The following ATP6V0E2 variants were observed in gnomAD, a reference collection of about 807,000 sequenced individuals.
The protein encoded by ATP6V0E2 is V-type proton ATPase subunit e 2.
Under a neutral mutation model 11.5 loss-of-function variants are expected in ATP6V0E2, and 4 were observed. That is an observed-to-expected ratio of 0.35 (90% CI 0.17 to 0.80). ATP6V0E2 has a LOEUF of 0.80. ATP6V0E2 is among the 30% of genes least tolerant of loss of function. The pLI is 0.53. For synonymous variants in ATP6V0E2, 52 were observed against 51.0 expected, an observed-to-expected ratio of 1.02 and a Z score of -0.09; for missense variants, 93 against 113.5, an observed-to-expected ratio of 0.82 and a Z score of 0.82.
chr7:149,878,810 T>C lies in ATP6V0E2; in HGVS notation c.*19+20T>C. On this transcript the variant is annotated intron_variant, in intron 3 of 3. Coordinates refer to ENST00000425642, the MANE Select transcript of ATP6V0E2 (RefSeq NM_145230.4). ...ACCCAGGTACTGTGTGGGCGAGGGG[T>C]GTGGGTGGGGAAGAGGGGAAAGACA... is the stretch of plus-strand genomic sequence containing the variant. 1.2e-6 allele frequency: 2 copies of C among 1,606,468 alleles called. No individual in the cohort carries two copies. Among genetic ancestry groups the C allele is most frequent in the South Asian group, 1.1e-5 (1 of 90,740 alleles).
intron 1 of ATP6V0E2, chr7:149,874,468 C>T (rs1041351335): frequency 2.9e-5 from 11 of 374,072 alleles, no homozygotes; most frequent in African/African-American, 1.9e-4. Context: ...AGTTTCTCCA[C>T]TCCTTGCTAG....
upstream of ATP6V0E2, chr7:149,873,253 C>T (rs1196253161): frequency 6.6e-6 from 1 of 152,306 alleles, no homozygotes; most frequent in Non-Finnish European, 1.5e-5. Context: ...AGTCAAGGAT[C>T]TAATCCCAAA....
intron 1 of ATP6V0E2, 98 bp from the exon 2 acceptor site, chr7:149,875,500 A>G: frequency 8.1e-7 from 1 of 1,229,148 alleles, no homozygotes; most frequent in East Asian, 2.3e-5. Context: ...GGCCAATGGA[A>G]AAGAGCTCAC....
At position 149,878,732 on chromosome 7, in the gene ATP6V0E2, G is replaced by A. The variant is rs13309509; in HGVS notation, c.207G>A (p.Lys69=). Residue 69 remains lysine (K), a synonymous_variant, in exon 3 of 4, where the codon AAG becomes AAA. Transcript: ENST00000425642. ...ACCCCCTGTTCGGGCCCCAGCTGAA[G>A]AATGAGACCATCTGGTACGTGCGCT... ...QLNPLFGPQL[K]NETIWYVRFL... is the part of the protein sequence containing the mutation. The A allele has an allele frequency of 1.9e-6, 3 of 1,613,138 alleles. No homozygotes were observed. The highest frequency in any genetic ancestry group is 2.5e-6 in the Non-Finnish European group (3 of 1,179,888).
At chr7:149,875,392 G>A (rs1321462713) in intron 1 of ATP6V0E2, among the ~76,000 whole-genome samples, 1 of 152,138 alleles carries the variant, frequency 6.6e-6, no homozygotes, top group Non-Finnish European at 1.5e-5. Flanking sequence ...GGTCAAGGTT[G>A]GCCTCTCTGT....
chr7:149,877,896 G>A (rs749885939), intron 2 of ATP6V0E2, among the ~76,000 whole-genome samples: 26 of 152,230 alleles, frequency 1.7e-4, no homozygotes, highest in Admixed American at 6.5e-4. Context: ...GAATGCTGAT[G>A]TAAAGGAGGT....
At chr7:149,875,692 T>G (rs1337797977) in intron 2 of ATP6V0E2, 47 bp downstream of exon 2, 36 of 1,567,068 alleles carry the variant, frequency 2.3e-5, no homozygotes, top group African/African-American at 4.1e-5. Context: ...TCCTTTGTCC[T>G]CCCTCCTTTC....
upstream of ATP6V0E2, chr7:149,873,872 G>A (rs762297118): frequency 6.8e-7 from 1 of 1,463,580 alleles, no homozygotes; most frequent in African/African-American, 1.4e-5. Flanking sequence ...CAGCGAGTGG[G>A]CTCCTAGGCA....
At chr7:149,873,575 C>T (rs1362976483), upstream of ATP6V0E2, 3 of 222,658 alleles carry the variant, frequency 1.3e-5, no homozygotes, top group Admixed American at 1.7e-4. Flanking sequence ...GAGGCCGTTC[C>T]TCCCGCGTCC....
In ATP6V0E2 at chr7:149,879,424, G is replaced by A. The variant is rs200193215; in HGVS notation, c.*109G>A. The stretch of plus-strand genomic sequence containing the variant: ...CCCACACAACTATGTCTGGTCACCA[G>A]CTCCCTCCTGCTGGCACCCAGAGAC... On this transcript the variant is annotated 3_prime_UTR_variant, in exon 4 of 4. Transcript: ENST00000425642. The A allele has an allele frequency of 1.4e-4, 222 of 1,604,390 alleles. No individual in the cohort carries two copies. The highest frequency in any genetic ancestry group is 1.8e-4 in the Non-Finnish European group (210 of 1,175,882).
At chr7:149,879,096 T>G (rs1803308521) in intron 3 of ATP6V0E2, 2 of 1,388,838 alleles carry the variant, frequency 1.4e-6, no homozygotes, top group Admixed American at 3.0e-5. Flanking sequence ...CCTTCCTGCC[T>G]GGCCTGTGTT....
upstream of ATP6V0E2, chr7:149,873,949 G>A (rs986705207): frequency 1.3e-6 from 2 of 1,542,120 alleles, no homozygotes; most frequent in South Asian, 1.2e-5. Flanking sequence ...CCGGCTGATC[G>A]CTTCGGGTGC....
Position 149,877,563 on chromosome 7 carries a change from C to CTTTTTT in ATP6V0E2, c.153-1105_153-1100dup, listed in dbSNP as rs11334520. ...TAACACATGGTTTAACTTAAACCCACTTTTTTTTTTTTTTTCAAAATTCTT... is the reference window on the plus strand; with the variant it reads ...TAACACATGGTTTAACTTAAACCCACTTTTTTTTTTTTTTTTTTTTTCAAAATTCTT... On this transcript the variant is annotated intron_variant, in intron 2 of 3. Transcript: ENST00000425642. Among the ~76,000 whole-genome samples the CTTTTTT allele has an allele frequency of 1.8e-3, 259 of 141,196 alleles. 9 individuals are homozygous for CTTTTTT. The highest frequency in any genetic ancestry group is 2.4e-3 in the Non-Finnish European group (160 of 65,696). The allele number at this position is 141,196 out of a possible 152,430, so 92.6% of individuals were successfully genotyped here. A position where few individuals can be genotyped will look rare whatever the true frequency, so the allele number is the denominator to read the frequency against.
chr7:149,879,256 G>A, intron 3 of ATP6V0E2, 79 bp from the exon 4 acceptor site: 2 of 1,417,458 alleles, frequency 1.4e-6, no homozygotes, highest in Non-Finnish European at 1.8e-6. Context: ...GCAGGGGTGA[G>A]GGGGCTTTCC....
At chr7:149,873,713 C>T (rs1802955442), upstream of ATP6V0E2, 1 of 666,694 alleles carries the variant, frequency 1.5e-6, no homozygotes, top group African/African-American at 1.9e-5. Flanking sequence ...GGACCCCAAG[C>T]TCCAGGGGTC....
chr7:149,875,840 C>T (rs1019946885), intron 2 of ATP6V0E2, 195 bp downstream of exon 2: 9 of 681,434 alleles, frequency 1.3e-5, no homozygotes, highest in Non-Finnish European at 2.1e-5. Context: ...ACCCTGGGCT[C>T]TGGATCTGGC....
At chr7:149,877,563 CTT>C (rs11334520) in intron 2 of ATP6V0E2, among the ~76,000 whole-genome samples, 18 of 141,242 alleles carry the variant, frequency 1.3e-4, no homozygotes, top group East Asian at 4.1e-4. Context: ...CTTAAACCCA[CTT>C]TTTTTTTTTT....
At chr7:149,874,517 C>A (rs1444916853) in intron 1 of ATP6V0E2, 2 of 244,896 alleles carry the variant, frequency 8.2e-6, no homozygotes, top group Admixed American at 1.0e-4. Context: ...TCAGTTTCTT[C>A]ATGGGTAAAA....
upstream of ATP6V0E2, chr7:149,873,460 C>CG (rs1488940088): frequency 1.9e-5 from 3 of 154,696 alleles, no homozygotes; most frequent in African/African-American, 4.8e-5. Context: ...CCCCAGGCCC[C>CG]GGTCCGCGCC....
Sources: gnomAD v4.1 joint callset for allele counts (sites outside exome capture counted in the v4.1 genomes callset) on GRCh38, gnomAD v4.1.1 for gene constraint, MANE v1.5 for transcripts, NCBI Gene and HGNC (gene_info 2026-07-23, HGNC 2026-07-21) for gene names.